SOAT1: variants seen among roughly 807,000 people sequenced by gnomAD.
The protein encoded by SOAT1 is sterol O-acyltransferase 1.
SOAT1 carries 55 observed loss-of-function variants against 69.5 expected under a neutral mutation model. The ratio of observed to expected loss-of-function variants is 0.79; its 90% confidence interval spans 0.64 to 0.99. The LOEUF (loss-of-function observed/expected upper bound fraction) is 0.99. SOAT1 is among the 50% of genes least tolerant of loss of function. SOAT1 has a pLI of 0.00. For missense variants in SOAT1, 580 were observed against 669.3 expected (o/e 0.87, Z 1.47); for synonymous variants, 231 against 224.7 (o/e 1.03, Z -0.25).
At chr1:179,304,243 C>T (rs1458136143) in intron 2 of SOAT1, among the ~76,000 whole-genome samples, 6 of 150,974 alleles carry the variant, frequency 4.0e-5, no homozygotes, top group Middle Eastern at 3.3e-3. Flanking sequence ...CGTGAGCCAC[C>T]GTGCCCAGCC....
At position 179,308,141 on chromosome 1, in the gene SOAT1, C is replaced by G. The variant is rs151052048; in HGVS notation, c.118+5339C>G. Among the ~76,000 whole-genome samples the G allele has an allele frequency of 1.8e-3, 281 of 152,170 alleles. 2 individuals carry two copies. The highest frequency in any genetic ancestry group is 6.3e-3 in the African/African-American group (260 of 41,538). ...TGCTGTCCACTCTTCTGTCCCAGTTCCTGAGGTAGCTTTTATAATCTCCTG... is the reference window on the plus strand; with the variant it reads ...TGCTGTCCACTCTTCTGTCCCAGTTGCTGAGGTAGCTTTTATAATCTCCTG... On this transcript the variant is annotated intron_variant, in intron 2 of 15. Transcript: ENST00000367619.
At chr1:179,341,566 G>T (rs1666340432) in intron 7 of SOAT1, among the ~76,000 whole-genome samples, 2 of 140,030 alleles carry the variant, frequency 1.4e-5, no homozygotes, top group Admixed American at 8.0e-5. Context: ...ACAGAGTCTC[G>T]CTCTGTCACC....
rs3046366 is a variant in SOAT1, at chr1:179,329,046, C to CAAAA, written c.177+5565_177+5568dup. Among the ~76,000 whole-genome samples, 62 of 130,638 alleles carry CAAAA rather than the reference C, an allele frequency of 4.7e-4. 2 individuals are homozygous for CAAAA. The highest frequency in any genetic ancestry group is 7.3e-4 in the South Asian group (3 of 4,096). The allele number at this position is 130,638 out of a possible 152,430, so 85.7% of individuals were successfully genotyped here. ...GGGTGATAGAGCCAGACTTTGTCTT[C>CAAAA]AAAAAAAAAAAAAAAAATTGTTGCA... On this transcript the variant is annotated intron_variant, in intron 3 of 15. Transcript: ENST00000367619.
intron 5 of SOAT1, among the ~76,000 whole-genome samples, chr1:179,338,672 AAAG>A (rs1253271410): frequency 6.6e-6 from 1 of 152,178 alleles, no homozygotes; most frequent in African/African-American, 2.4e-5. Context: ...ATAAAAGGGA[AAAG>A]AAAATTTATT....
intron 1 of SOAT1, among the ~76,000 whole-genome samples, chr1:179,297,960 C>G (rs1359824558): frequency 6.7e-6 from 1 of 150,056 alleles, no homozygotes; most frequent in East Asian, 2.0e-4. Flanking sequence ...TGAGATCGTG[C>G]CATTGCACTC....
chr1:179,344,952 T>C lies in SOAT1; in HGVS notation c.993T>C (p.Phe331=), dbSNP rs1337424288. 1.2e-6 allele frequency: 2 copies of C among 1,614,084 alleles called. No homozygotes were observed. The highest frequency in any genetic ancestry group is 1.1e-5 in the South Asian group (1 of 91,068). Residue 331 remains phenylalanine, a synonymous_variant, in exon 11 of 16, where the codon TTT becomes TTC. Coordinates refer to ENST00000367619, the MANE Select transcript of SOAT1 (RefSeq NM_003101.6). ...GYVAMKFAQV[F]GCFFYVYYIF... is the part of the protein sequence containing the mutation. ...CTGTCTCTGTTATGTTCCAGGTCTTTGGTTGCTTTTTCTATGTGTACTACA... is the reference window on the plus strand; with the variant it reads ...CTGTCTCTGTTATGTTCCAGGTCTTCGGTTGCTTTTTCTATGTGTACTACA...
chr1:179,306,301 C>G (rs1362355781), intron 2 of SOAT1, among the ~76,000 whole-genome samples: 1 of 152,038 alleles, frequency 6.6e-6, no homozygotes, highest in Non-Finnish European at 1.5e-5. Flanking sequence ...CCAGTGGGCC[C>G]AGGAGGACAA....
In SOAT1 at chr1:179,342,152, G is replaced by A. The variant is rs1666359765; in HGVS notation, c.819G>A (p.Glu273=). The A allele has an allele frequency of 6.2e-7, 1 of 1,613,626 alleles. No homozygotes were observed. Residue 273 remains glutamate, a synonymous_variant, in exon 8 of 16, where the codon GAG becomes GAA. Transcript: ENST00000367619. The part of the protein sequence containing the change: ...FVMKAHSFVR[E]NVPRVLNSAK... The stretch of plus-strand genomic sequence containing the variant: ...TGAAGGCCCACTCATTTGTCAGAGA[G>A]AACGTGCCTCGGGTACTAAATTCAG...
intron 5 of SOAT1, among the ~76,000 whole-genome samples, chr1:179,338,423 T>C (rs1222065474): frequency 1.3e-5 from 2 of 151,838 alleles, no homozygotes; most frequent in Non-Finnish European, 2.9e-5. Flanking sequence ...GCTGTCTCAA[T>C]AAAAAAAAGT....
At chr1:179,324,418 T>C (rs1320207689) in intron 3 of SOAT1, among the ~76,000 whole-genome samples, 1 of 150,590 alleles carries the variant, frequency 6.6e-6, no homozygotes, top group Non-Finnish European at 1.5e-5. Context: ...AAGAACATAT[T>C]TGCTTAACAT....
At chr1:179,348,741 G>T (rs1666614150) in intron 12 of SOAT1, 103 bp from the exon 13 acceptor site, 1 of 692,456 alleles carries the variant, frequency 1.4e-6, no homozygotes, top group Non-Finnish European at 2.5e-6. Context: ...GAAGTCAGGG[G>T]GGTTTGCTTT....
rs546378723 is a variant in SOAT1, at chr1:179,305,941, G to T, written c.118+3139G>T. The stretch of plus-strand genomic sequence containing the variant: ...GAGTTATAGTAACCAAATAGAGACC[G>T]ATGGGGTTGGGGGAGCCCTTGCTTT... On this transcript the variant is annotated intron_variant, in intron 2 of 15. Transcript: ENST00000367619. Among the ~76,000 whole-genome samples, 3 of 152,302 alleles carry T rather than the reference G, an allele frequency of 2.0e-5. No homozygotes were observed. In the South Asian group the frequency reaches 6.2e-4, roughly 32 times the overall value.
In SOAT1 at chr1:179,333,605, C is replaced by G. The variant is rs1209258446; in HGVS notation, c.178-1901C>G. On this transcript the variant is annotated intron_variant, in intron 3 of 15. Coordinates refer to ENST00000367619, the MANE Select transcript of SOAT1 (RefSeq NM_003101.6). ...TCTGTAATCCCAGCACTTTGGGAGG[C>G]CGAGGCGGGCGAATCACCTGAGGTT... Among the ~76,000 whole-genome samples the G allele has an allele frequency of 3.3e-5, 5 of 152,078 alleles. No individual in the cohort carries two copies. In the East Asian group the frequency reaches 7.7e-4, roughly 24 times the overall value.
intron 5 of SOAT1, among the ~76,000 whole-genome samples, 157 bp from the exon 6 acceptor site, chr1:179,339,281 T>G (rs1666253325): frequency 6.6e-6 from 1 of 152,246 alleles, no homozygotes; most frequent in African/African-American, 2.4e-5. Context: ...TCTGGTAGGT[T>G]TTAAAGAATG....
At chr1:179,337,918 T>A (rs750212352) in intron 5 of SOAT1, 22 bp downstream of exon 5, 12 of 1,536,434 alleles carry the variant, frequency 7.8e-6, no homozygotes, top group Non-Finnish European at 1.1e-5. Context: ...TAGTTGTTTT[T>A]AAATATGTTT....
intron 3 of SOAT1, among the ~76,000 whole-genome samples, chr1:179,333,941 C>A (rs560849117): frequency 6.6e-6 from 1 of 152,276 alleles, no homozygotes; most frequent in African/African-American, 2.4e-5. Context: ...GTCAGAAGCT[C>A]ACCCAGTCGG....
In SOAT1 at chr1:179,347,592, A is replaced by G. The variant is rs1311546521; in HGVS notation, c.1118-8A>G. The G allele has an allele frequency of 1.9e-6, 3 of 1,570,380 alleles. No individual in the cohort carries two copies. The highest frequency in any genetic ancestry group is 1.8e-6 in the Non-Finnish European group (2 of 1,141,980). The stretch of plus-strand genomic sequence containing the variant: ...AAAGACTGTTAATATTGTTAATCTT[A>G]TTTTTAGGTGTGCTGATTCTCTTCC... On this transcript the variant is annotated splice_polypyrimidine_tract_variant and splice_region_variant and intron_variant, in intron 11 of 15. Coordinates refer to ENST00000367619, the MANE Select transcript of SOAT1 (RefSeq NM_003101.6).
At chr1:179,333,557 C>T (rs908580823) in intron 3 of SOAT1, among the ~76,000 whole-genome samples, 1 of 151,348 alleles carries the variant, frequency 6.6e-6, no homozygotes, top group Non-Finnish European at 1.5e-5. Context: ...GTAAAAGTTT[C>T]AGGCGGGGCA....
rs184396181 is a variant in SOAT1 at position 179,336,079 on chromosome 1, G to A, written c.329+422G>A. ...CTCAGGAGGCTGAGGCATGAGGATC[G>A]CTTGAACCTAGGAGGCGGGGGTTGC... On this transcript the variant is annotated intron_variant, in intron 4 of 15. Coordinates refer to ENST00000367619, the MANE Select transcript of SOAT1 (RefSeq NM_003101.6). Among the ~76,000 whole-genome samples the A allele has an allele frequency of 4.8e-4, 72 of 151,460 alleles. 1 individual carries two copies. The highest frequency in any genetic ancestry group is 1.4e-3 in the Admixed American group (21 of 15,202).
Sources: gnomAD v4.1 joint callset for allele counts (sites outside exome capture counted in the v4.1 genomes callset) on GRCh38, gnomAD v4.1.1 for gene constraint, MANE v1.5 for transcripts, NCBI Gene and HGNC (gene_info 2026-07-23, HGNC 2026-07-21) for gene names.